DOC2A: variants seen among roughly 807,000 people sequenced by gnomAD.
DOC2A encodes the protein double C2 domain alpha, also known as double C2-like domain-containing protein alpha.
Under a neutral mutation model 40.6 loss-of-function variants are expected in DOC2A, and 28 were observed. The ratio of observed to expected loss-of-function variants is 0.69; its 90% CI spans 0.51 to 0.95. The LOEUF (loss-of-function observed/expected upper bound fraction) is 0.95, where lower values mean the gene tolerates loss of function less well. Ranked by LOEUF, DOC2A falls within the 40% of genes least tolerant of loss-of-function variation. The pLI is 0.00. For synonymous variants in DOC2A, 241 were observed against 236.9 expected (o/e 1.02, Z -0.16); for missense variants, 474 against 552.5 (o/e 0.86, Z 1.42).
At chr16:30,020,167 C>G (rs1343531654) in intron 1 of DOC2A, among the ~76,000 whole-genome samples, 1 of 152,228 alleles carries the variant, frequency 6.6e-6, no homozygotes, top group Admixed American at 6.5e-5. Flanking sequence ...CCTCGGCCTC[C>G]CAAAGTGCTG....
upstream of DOC2A, chr16:30,015,182 C>A (rs1397302154): frequency 6.6e-6 from 1 of 152,094 alleles, no homozygotes; most frequent in Non-Finnish European, 1.5e-5. Context: ...TCTGGGGAGA[C>A]AGGGCAGGAA....
At chr16:30,007,396 C>CT in intron 5 of DOC2A, 97 bp from the exon 6 acceptor site, 1 of 1,559,004 alleles carries the variant, frequency 6.4e-7, no homozygotes, top group Non-Finnish European at 8.8e-7. Flanking sequence ...GCCCTAAACA[C>CT]TACGTCTCAT....
Position 30,006,255 on chromosome 16 carries a change from T to C in DOC2A, c.1134A>G (p.Ala378=). The change falls in exon 11 of 11, where the codon GCA becomes GCG. Residue 378 remains alanine (A), a synonymous_variant. Coordinates refer to ENST00000350119, the MANE Select transcript of DOC2A (RefSeq NM_003586.3). The surrounding 1 kb of genome is among the most constrained non-coding windows in gnomAD (Gnocchi z 6.2). The stretch of plus-strand genomic sequence containing the variant: ...TCAGGGTGTGCCAGCGCTCCAGGGC[T>C]GCGTCCGGCTGCTGCAGGCAGTCAC... The part of the protein sequence containing the change: ...HWSDCLQQPD[A]ALERWHTLTS... The C allele has an allele frequency of 6.3e-7, 1 of 1,596,050 alleles. No homozygotes were observed. Among genetic ancestry groups the C allele is most frequent in the Non-Finnish European group, 8.5e-7 (1 of 1,172,434 alleles).
In DOC2A at chr16:30,009,921, C is replaced by A; in HGVS notation, c.262+40G>T. ...CCCCCCACCACGGCAAGCCTGGAGA[C>A]CCCCACCAGCACATGGGGCCTCCAA... On this transcript the variant is annotated intron_variant, in intron 2 of 10. Coordinates refer to ENST00000350119, the MANE Select transcript of DOC2A (RefSeq NM_003586.3). The surrounding 1 kb of genome is among the most constrained non-coding windows in gnomAD (Gnocchi z 4.1). 6.2e-7 allele frequency: 1 copy of A among 1,609,910 alleles called. No individual in the cohort carries two copies. The highest frequency in any genetic ancestry group is 8.5e-7 in the Non-Finnish European group (1 of 1,179,042).
chr16:30,010,024 G>A lies in DOC2A; in HGVS notation c.199C>T (p.Leu67Phe), dbSNP rs148245512. 3.0e-5 allele frequency: 49 copies of A among 1,612,034 alleles called. No individual in the cohort carries two copies. The highest frequency in any genetic ancestry group is 2.7e-4 in the African/African-American group (20 of 74,870). Residue 67 changes from leucine to phenylalanine, a missense_variant, in exon 2 of 11, where the codon CTC becomes TTC. Leu to Phe is a conservative substitution (Grantham distance 22). Coordinates refer to ENST00000350119, the MANE Select transcript of DOC2A (RefSeq NM_003586.3). This position sits in a 1 kb window ranked among gnomAD's most constrained non-coding sequence, Gnocchi z 4.2. ...TCCTCAGGCGTGGTGGCCCCAAGGA[G>A]GGCTGCAGGGGGGGCCAGAGCCAGG... is the stretch of plus-strand genomic sequence containing the variant. ...VPLALAPPAA[L>F]LGATTPEDGA...
upstream of DOC2A, among the ~76,000 whole-genome samples, chr16:30,015,701 CTTTTT>C (rs71276819): frequency 8.1e-6 from 1 of 122,990 alleles, no homozygotes; most frequent in Non-Finnish European, 1.7e-5. Flanking sequence ...CTTCCTTTTT[CTTTTT>C]TTTTTTTTTT....
At position 30,010,204 on chromosome 16, in the gene DOC2A, C is replaced by G. The variant is rs763993103; in HGVS notation, c.19G>C (p.Asp7His). The G allele has an allele frequency of 3.1e-6, 5 of 1,613,924 alleles. No individual in the cohort carries two copies. The highest frequency in any genetic ancestry group is 4.2e-6 in the Non-Finnish European group (5 of 1,179,956). The part of the protein sequence containing the change: MRGRRG[D>H]RMTINIQEHM... ...TCCTGGATGTTGATGGTCATGCGAT[C>G]GCCCCTGCGGCCCCTCATGCAGCAC... The change falls in exon 2 of 11, where the codon GAT (aspartate) becomes CAT (histidine). Residue 7 changes from aspartate (D) to histidine (H), a missense_variant. Coordinates refer to ENST00000350119, the MANE Select transcript of DOC2A (RefSeq NM_003586.3). This position sits in a 1 kb window ranked among gnomAD's most constrained non-coding sequence, Gnocchi z 4.2.
chr16:30,012,989 C>T (rs1224022691), upstream of DOC2A, among the ~76,000 whole-genome samples: 1 of 151,244 alleles, frequency 6.6e-6, no homozygotes, highest in African/African-American at 2.4e-5. Context: ...AAAACTCAGT[C>T]TCAAAACAAA....
chr16:30,006,572 C>T lies in DOC2A; in HGVS notation c.960+24G>A. 2 of 1,613,684 alleles carry T rather than the reference C, an allele frequency of 1.2e-6. No individual in the cohort carries two copies. The highest frequency in any genetic ancestry group is 1.3e-5 in the African/African-American group (1 of 74,944). On this transcript the variant is annotated intron_variant, in intron 9 of 10. Coordinates refer to ENST00000350119, the MANE Select transcript of DOC2A (RefSeq NM_003586.3). The surrounding 1 kb of genome is among the most constrained non-coding windows in gnomAD (Gnocchi z 6.2). ...CCCCAGCCCCTCCCTGGCCTCCCTC[C>T]ATGTCCCGTCCCCTCCTGGGTACCT...
Position 30,006,112 on chromosome 16 carries a change from C to A in DOC2A, c.*74G>T. On this transcript the variant is annotated 3_prime_UTR_variant, in exon 11 of 11. Coordinates refer to ENST00000350119, the MANE Select transcript of DOC2A (RefSeq NM_003586.3). This position sits in a 1 kb window ranked among gnomAD's most constrained non-coding sequence, Gnocchi z 6.2. ...GTGGGGGCAGCCCACCCTGTGTAAA[C>A]GTGCAACACACTCGTGCGAAGGTTG... is the stretch of plus-strand genomic sequence containing the variant. The A allele has an allele frequency of 6.7e-7, 1 of 1,496,440 alleles. No homozygotes were observed. The highest frequency in any genetic ancestry group is 1.3e-5 in the South Asian group (1 of 79,174). 92.7% of individuals were successfully genotyped at this position (1,496,440 alleles called of 1,614,324 possible).
In DOC2A at chr16:30,009,417, G is replaced by GGGCC. The variant is rs2070712305; in HGVS notation, c.342+57_342+60dup. ...CAGGCCTGGGAAGGGAAGGAGGAAT[G>GGGCC]GGCCCCCTCTGGGGGCTGCACGCAA... is the stretch of plus-strand genomic sequence containing the variant. On this transcript the variant is annotated intron_variant, in intron 3 of 10. Coordinates refer to ENST00000350119, the MANE Select transcript of DOC2A (RefSeq NM_003586.3). This position sits in a 1 kb window ranked among gnomAD's most constrained non-coding sequence, Gnocchi z 4.1. 6.6e-7 allele frequency: 1 copy of GGGCC among 1,514,322 alleles called. No individual in the cohort carries two copies. The allele number at this position is 1,514,322 out of a possible 1,614,324, so 93.8% of individuals were successfully genotyped here.
intron 1 of DOC2A, among the ~76,000 whole-genome samples, chr16:30,018,417 C>T (rs1393548211): frequency 6.6e-6 from 1 of 152,106 alleles, no homozygotes; most frequent in Non-Finnish European, 1.5e-5. Context: ...AACTCCTGGC[C>T]TCCAGTGATC....
intron 5 of DOC2A, chr16:30,008,662 G>A (rs2070689087): frequency 9.4e-6 from 3 of 317,950 alleles, no homozygotes; most frequent in South Asian, 5.8e-5. Context: ...ATGCCACCAC[G>A]CCCGGCTAAT....
chr16:30,014,361 C>T (rs1163926681), upstream of DOC2A, among the ~76,000 whole-genome samples: 1 of 151,896 alleles, frequency 6.6e-6, no homozygotes, highest in African/African-American at 2.4e-5. Context: ...GCAGGCCAGG[C>T]GCCATGGCTC....
rs60221870 is a variant in DOC2A at position 30,019,727 on chromosome 16, C to T, written c.-376+1456G>A. Among the ~76,000 whole-genome samples, 99 of 152,122 alleles carry T rather than the reference C, an allele frequency of 6.5e-4. 1 individual carries two copies. In the East Asian group the frequency reaches 0.014, roughly 21 times the overall value. On this transcript the variant is annotated intron_variant, in intron 1 of 5. Coordinates refer to the DOC2A transcript ENST00000574405. ...GCCTGGGGCACGAGCCCTGGCCCAG[C>T]GTCGGGAACCAGGTTATTTATTTAT...
upstream of DOC2A, among the ~76,000 whole-genome samples, chr16:30,015,651 T>TTTCCTTCC (rs565095135): frequency 6.6e-6 from 1 of 151,166 alleles, no homozygotes; most frequent in Non-Finnish European, 1.5e-5. Flanking sequence ...TCTTTTCTTC[T>TTTCCTTCC]TTCCTTCCTT....
rs1596699608 is a variant in DOC2A at position 30,007,625 on chromosome 16, G to C, written c.528-326C>G. On this transcript the variant is annotated intron_variant, in intron 5 of 10. Transcript: ENST00000350119. ...ATGTGGCCATAGACACAGGCCGTGA[G>C]AGCTAGAAGGGCCTTGGAGCCTTGG... 5 of 415,252 alleles carry C rather than the reference G, an allele frequency of 1.2e-5. No homozygotes were observed. The East Asian group carries it at 1.6e-4, about 13-fold the overall frequency. 25.7% of individuals were successfully genotyped at this position (415,252 alleles called of 1,614,324 possible).
rs752272402 is a variant in DOC2A, at chr16:30,010,076, G to A, written c.147C>T (p.Gly49=). The A allele has an allele frequency of 5.5e-5, 88 of 1,610,788 alleles. No individual in the cohort carries two copies. The highest frequency in any genetic ancestry group is 5.1e-4 in the Middle Eastern group (3 of 5,858). Residue 49 remains glycine (G), a synonymous_variant, in exon 2 of 11, where the codon GGC becomes GGT. Transcript: ENST00000350119. The surrounding 1 kb of genome is among the most constrained non-coding windows in gnomAD (Gnocchi z 4.2). ...GGACCAGATGGGCGGGGGCCTCCCC[G>A]CCGCCCCCGCCGCCCCCTTCAGGTC... ...GPGPEGGGGG[G]GEAPAHLVPL... is the part of the protein sequence containing the mutation.
intron 1 of DOC2A, among the ~76,000 whole-genome samples, chr16:30,019,184 G>A (rs1350709340): frequency 6.6e-6 from 1 of 152,166 alleles, no homozygotes; most frequent in Non-Finnish European, 1.5e-5. Context: ...TGGGTGTGGT[G>A]GTGGGTGCCT....
Sources: gnomAD v4.1 joint callset for allele counts (sites outside exome capture counted in the v4.1 genomes callset) on GRCh38, gnomAD v4.1.1 for gene constraint, Gnocchi (gnomAD v3.1) non-coding constraint, MANE v1.5 for transcripts, NCBI Gene and HGNC (gene_info 2026-07-23, HGNC 2026-07-21) for gene names.